Variants in LRP5 observed in about 807,000 individuals in gnomAD.
LRP5 encodes low-density lipoprotein receptor-related protein 5.
A neutral mutation model predicts 154.1 loss-of-function variants in LRP5; 62 were observed. That is an observed-to-expected ratio of 0.40 (90% CI 0.33 to 0.50). The LOEUF (loss-of-function observed/expected upper bound fraction) is 0.50. Among genes scored for constraint, LRP5 ranks in the 20% least tolerant of loss-of-function variants. The pLI is 0.55. For synonymous variants in LRP5, 966 were observed against 1,011.5 expected, an observed-to-expected ratio of 0.96 and a Z score of 0.85; for missense variants, 1,915 against 2,336.7, an observed-to-expected ratio of 0.82 and a Z score of 3.72.
intron 13 of LRP5, among the ~76,000 whole-genome samples, chr11:68,421,817 G>A (rs1395093568): frequency 2.7e-5 from 4 of 149,646 alleles, no homozygotes; most frequent in Non-Finnish European, 5.9e-5. Flanking sequence ...GTGTGTGCGC[G>A]TGTGTGTGGT....
Position 68,411,517 on chromosome 11 carries a change from G to A in LRP5, c.2400G>A (p.Val800=). 1 of 1,613,788 alleles carries A rather than the reference G, an allele frequency of 6.2e-7. No homozygotes were observed. The highest frequency in any genetic ancestry group is 8.5e-7 in the Non-Finnish European group (1 of 1,180,040). The stretch of plus-strand genomic sequence containing the variant: ...ACGGGACCAACTGCATGACGCTGGT[G>A]GACAAGGTGGGCCGGGCCAACGACC... The part of the protein sequence containing the change: ...FMDGTNCMTL[V]DKVGRANDLT... Residue 800 remains valine, a synonymous_variant, in exon 11 of 23, where the codon GTG becomes GTA. Transcript: ENST00000294304.
At chr11:68,361,313 A>AT (rs898217325) in intron 3 of LRP5, among the ~76,000 whole-genome samples, 20 of 148,560 alleles carry the variant, frequency 1.3e-4, no homozygotes, top group African/African-American at 4.7e-4. Flanking sequence ...TCAAAAAAAA[A>AT]AATAATAAAA....
At chr11:68,421,659 T>A (rs2098665663) in intron 13 of LRP5, among the ~76,000 whole-genome samples, 1 of 151,114 alleles carries the variant, frequency 6.6e-6, no homozygotes, top group Admixed American at 6.6e-5. Flanking sequence ...ATGAAAGTGA[T>A]GATGTCTTTG....
Position 68,324,058 on chromosome 11 carries a change from G to A in LRP5, c.91+11253G>A, listed in dbSNP as rs183284656. On this transcript the variant is annotated intron_variant, in intron 1 of 22. Coordinates refer to ENST00000294304, the MANE Select transcript of LRP5 (RefSeq NM_002335.4). Reference sequence around the variant, plus strand: ...TCAGGGACTCCTGACCTGCCATGCAGGGCCCCGTGGGCTTGTGGTGGCTTT... The same window carrying A: ...TCAGGGACTCCTGACCTGCCATGCAAGGCCCCGTGGGCTTGTGGTGGCTTT... Among the ~76,000 whole-genome samples, 48 of 152,382 alleles carry A rather than the reference G, an allele frequency of 3.1e-4. No homozygotes were observed. The East Asian group carries it at 8.9e-3, about 28-fold the overall frequency.
intron 4 of LRP5, 61 bp from the exon 5 acceptor site, chr11:68,365,506 CTCAT>C: frequency 1.2e-6 from 2 of 1,611,168 alleles, no homozygotes; most frequent in Non-Finnish European, 1.7e-6. Flanking sequence ...CAGGATGTGA[CTCAT>C]TCAGAAACAA....
At chr11:68,372,896 G>A (rs116354484) in intron 5 of LRP5, among the ~76,000 whole-genome samples, 16,697 of 152,046 alleles carry the variant, frequency 0.11, 1,258 homozygotes, top group Admixed American at 0.25. Context: ...CCTGTGGGGC[G>A]AAGGTCAGGA....
At chr11:68,357,585 C>A in intron 2 of LRP5, 65 bp from the exon 3 acceptor site, 6 of 1,390,126 alleles carry the variant, frequency 4.3e-6, no homozygotes, top group Non-Finnish European at 6.1e-6. Flanking sequence ...ATGTCTGCAT[C>A]TATGCAGACA....
intron 6 of LRP5, 93 bp from the exon 7 acceptor site, chr11:68,389,788 G>A (rs2153155265): frequency 1.5e-6 from 2 of 1,299,128 alleles, no homozygotes; most frequent in East Asian, 4.6e-5. Flanking sequence ...ATGTGATGGG[G>A]GCCGGCTTGG....
intron 5 of LRP5, among the ~76,000 whole-genome samples, chr11:68,373,255 G>C (rs2098635344): frequency 6.6e-6 from 1 of 152,204 alleles, no homozygotes; most frequent in South Asian, 2.1e-4. Context: ...ATGAAAGCCA[G>C]CTGGGTGTAG....
intron 1 of LRP5, among the ~76,000 whole-genome samples, chr11:68,326,653 C>G (rs747332291): frequency 7.9e-5 from 12 of 152,262 alleles, no homozygotes; most frequent in Non-Finnish European, 1.6e-4. Context: ...GGCCCACCCT[C>G]TCTCCTGCAG....
intron 1 of LRP5, among the ~76,000 whole-genome samples, chr11:68,345,349 G>A (rs967370955): frequency 3.3e-5 from 5 of 152,008 alleles, no homozygotes; most frequent in African/African-American, 7.2e-5. Flanking sequence ...ATGCAGTGGC[G>A]CAATCTTGGC....
intron 1 of LRP5, among the ~76,000 whole-genome samples, chr11:68,334,525 C>T (rs1455887789): frequency 6.6e-6 from 1 of 152,208 alleles, no homozygotes; most frequent in African/African-American, 2.4e-5. Flanking sequence ...ACTGTAGGTA[C>T]TGCCACACAC....
intron 5 of LRP5, among the ~76,000 whole-genome samples, chr11:68,366,702 C>T (rs937083093): frequency 6.6e-6 from 1 of 152,128 alleles, no homozygotes; most frequent in African/African-American, 2.4e-5. Context: ...AGGGTCTGTC[C>T]GCTGTGCCGG....
chr11:68,329,418 A>G (rs1354372550), intron 1 of LRP5, among the ~76,000 whole-genome samples: 1 of 152,224 alleles, frequency 6.6e-6, no homozygotes, highest in African/African-American at 2.4e-5. Flanking sequence ...CAAATTTGGT[A>G]TAGGCAAAAC....
chr11:68,435,506 C>G (rs1305187160), intron 18 of LRP5, among the ~76,000 whole-genome samples: 1 of 120,280 alleles, frequency 8.3e-6, no homozygotes, highest in East Asian at 2.3e-4. Context: ...GAGCGCCTCT[C>G]CCTCTTGCCC....
At chr11:68,431,870 C>T (rs1208135763) in intron 17 of LRP5, among the ~76,000 whole-genome samples, 1 of 106,630 alleles carries the variant, frequency 9.4e-6, no homozygotes, top group Admixed American at 1.0e-4. Context: ...TCCACCACCC[C>T]CTGGCCTGGG....
chr11:68,369,799 G>A (rs761127711), intron 5 of LRP5, among the ~76,000 whole-genome samples: 16 of 152,050 alleles, frequency 1.1e-4, no homozygotes, highest in African/African-American at 7.2e-5. Context: ...CAGTGAAGTC[G>A]CACAGCTGGA....
intron 1 of LRP5, among the ~76,000 whole-genome samples, chr11:68,332,515 A>G (rs1400616413): frequency 6.6e-6 from 1 of 152,248 alleles, no homozygotes; most frequent in Non-Finnish European, 1.5e-5. Flanking sequence ...GTGCAGAGGC[A>G]GGGTGAGCTG....
intron 20 of LRP5, 137 bp from the exon 21 acceptor site, chr11:68,439,640 G>A: frequency 1.1e-6 from 1 of 915,100 alleles, no homozygotes; most frequent in Admixed American, 2.0e-5. Flanking sequence ...TCAGGGAGCG[G>A]GGCACATTTC....
Sources: gnomAD v4.1 joint callset for allele counts (sites outside exome capture counted in the v4.1 genomes callset) on GRCh38, gnomAD v4.1.1 for gene constraint, MANE v1.5 for transcripts, NCBI Gene and HGNC (gene_info 2026-07-23, HGNC 2026-07-21) for gene names.